The following STARD8 variants were observed in gnomAD, a reference collection of about 807,000 sequenced individuals.
STARD8 encodes stAR-related lipid transfer protein 8.
STARD8 carries 25 observed loss-of-function variants against 69.4 expected under a neutral mutation model. That is an observed-to-expected ratio of 0.36 (90% CI 0.26 to 0.50). The LOEUF (loss-of-function observed/expected upper bound fraction) is 0.50. Ranked by LOEUF, STARD8 falls within the 20% of genes least tolerant of loss-of-function variation. The probability of loss-of-function intolerance (pLI) is 0.96; values close to 1 mark genes in which losing one functional copy is unlikely to be tolerated. For missense variants in STARD8, 921 were observed against 932.5 expected, an observed-to-expected ratio of 0.99 and a Z score of 0.16; for synonymous variants, 389 against 374.6, an observed-to-expected ratio of 1.04 and a Z score of -0.45.
At position 68,724,400 on chromosome X, in the gene STARD8, C is replaced by G. The variant is rs750824185; in HGVS notation, c.3290C>G (p.Ala1097Gly). 9 of 1,203,499 alleles carry G rather than the reference C, an allele frequency of 7.5e-6. No individual in the cohort carries two copies. The highest frequency in any genetic ancestry group is 1.7e-5 in the African/African-American group (1 of 57,666). ...IRDSFPTLQA[A>G]GPETKL The stretch of plus-strand genomic sequence containing the variant: ...GACTCCTTCCCCACCCTGCAGGCAG[C>G]GGGCCCTGAGACAAAGCTGTGAGCC... The change falls in exon 15 of 15, where the codon GCG (alanine) becomes GGG (glycine). Residue 1097 changes from alanine (A) to glycine (G), a missense_variant. Ala to Gly is a moderately conservative substitution (Grantham distance 60). Coordinates refer to ENST00000374599, the MANE Select transcript of STARD8 (RefSeq NM_001142503.3).
intron 2 of STARD8, 84 bp downstream of exon 2, chrX:68,665,616 C>T (rs2079678712): frequency 1.9e-6 from 2 of 1,036,854 alleles, no homozygotes; most frequent in Admixed American, 2.5e-5. Context: ...CGATCAGGTC[C>T]CTGGGCAGCA....
chrX:68,653,010 AC>A (rs1569350946), intron 1 of STARD8, among the ~76,000 whole-genome samples: 2 of 9,290 alleles, frequency 2.2e-4, no homozygotes, highest in Non-Finnish European at 2.1e-4. Flanking sequence ...CACACACACC[AC>A]CACACACACA....
At chrX:68,713,475 C>T (rs975246726) in intron 3 of STARD8, among the ~76,000 whole-genome samples, 8 of 111,925 alleles carry the variant, frequency 7.1e-5, no homozygotes, top group Non-Finnish European at 1.1e-4. Context: ...ACCTCCACCT[C>T]GCCTGGTCAA....
At chrX:68,667,242 C>G (rs1161608280) in intron 2 of STARD8, among the ~76,000 whole-genome samples, 1 of 112,144 alleles carries the variant, frequency 8.9e-6, no homozygotes, top group African/African-American at 3.2e-5. Context: ...GAAATGGTAG[C>G]AGCAAGGCAC....
Position 68,724,525 on chromosome X carries a change from C to G in STARD8, c.*103C>G, listed in dbSNP as rs2080183163. The G allele has an allele frequency of 1.5e-6, 1 of 663,685 alleles. No homozygotes were observed. The highest frequency in any genetic ancestry group is 2.3e-6 in the Non-Finnish European group (1 of 435,298). The allele number at this position is 663,685 out of a possible 1,213,427, so 54.7% of individuals were successfully genotyped here. On this transcript the variant is annotated 3_prime_UTR_variant, in exon 15 of 15. Coordinates refer to ENST00000374599, the MANE Select transcript of STARD8 (RefSeq NM_001142503.3). ...GCCCCCTGGGTGCCGCTGTCAGGAGCAGAGCCAGGCCCAGGTGGCTCCAGC... is the reference window on the plus strand; with the variant it reads ...GCCCCCTGGGTGCCGCTGTCAGGAGGAGAGCCAGGCCCAGGTGGCTCCAGC...
At chrX:68,649,004 C>G (rs770548298) in intron 1 of STARD8, among the ~76,000 whole-genome samples, 74 of 112,309 alleles carry the variant, frequency 6.6e-4, no homozygotes, top group Non-Finnish European at 1.2e-3. Context: ...GAGCTGGGAT[C>G]TGAGCTCCTA....
At chrX:68,671,846 C>T (rs1307233782) in intron 2 of STARD8, among the ~76,000 whole-genome samples, 2 of 111,883 alleles carry the variant, frequency 1.8e-5, no homozygotes, top group Admixed American at 9.4e-5. Flanking sequence ...CCCTAGTGTC[C>T]CCTAGTGTCT....
intron 2 of STARD8, among the ~76,000 whole-genome samples, chrX:68,676,983 CAA>C (rs370318009): frequency 1.1e-5 from 1 of 94,379 alleles, no homozygotes; most frequent in Non-Finnish European, 2.1e-5. Flanking sequence ...CCGCCCCTAC[CAA>C]AAAAAAAAAA....
intron 1 of STARD8, among the ~76,000 whole-genome samples, chrX:68,658,826 T>TTGC (rs1055022167): frequency 8.9e-6 from 1 of 112,592 alleles, no homozygotes; most frequent in Non-Finnish European, 1.9e-5. Flanking sequence ...CCTTGAGCTG[T>TTGC]TGCTGCTGCT....
chrX:68,693,822 T>C (rs1267771145), intron 2 of STARD8: 1 of 754,851 alleles, frequency 1.3e-6, no homozygotes, highest in East Asian at 1.5e-4. Flanking sequence ...GGACGCGGCC[T>C]CCAGGTAGGA....
chrX:68,708,124 A>C (rs925753759), intron 2 of STARD8, among the ~76,000 whole-genome samples: 2 of 112,401 alleles, frequency 1.8e-5, no homozygotes, highest in East Asian at 5.6e-4. Flanking sequence ...CAAAACCAGC[A>C]AAAGCCCGAT....
chrX:68,721,792 T>A (rs2080152064), intron 10 of STARD8, 46 bp downstream of exon 10: 2 of 1,148,444 alleles, frequency 1.7e-6, no homozygotes, highest in African/African-American at 1.8e-5. Flanking sequence ...GTCCAGACAA[T>A]TTGGGCCCCA....
intron 2 of STARD8, among the ~76,000 whole-genome samples, chrX:68,698,092 ACAT>A (rs2079936158): frequency 2.7e-5 from 3 of 112,154 alleles, no homozygotes; most frequent in Non-Finnish European, 5.6e-5. Flanking sequence ...CCCCAAGGGA[ACAT>A]TGACAAACAT....
intron 2 of STARD8, among the ~76,000 whole-genome samples, chrX:68,667,111 G>C (rs766221821): frequency 8.9e-6 from 1 of 112,148 alleles, no homozygotes; most frequent in Non-Finnish European, 1.9e-5. Flanking sequence ...AGATGGGACT[G>C]GTCTTTCTGC....
intron 2 of STARD8, among the ~76,000 whole-genome samples, chrX:68,672,511 C>A (rs1445461115): frequency 5.4e-5 from 6 of 111,989 alleles, no homozygotes; most frequent in Non-Finnish European, 1.1e-4. Context: ...GTACTCCTGA[C>A]TGACAGTGAC....
At chrX:68,693,654 G>C (rs1002097483) in intron 2 of STARD8, 22 of 753,527 alleles carry the variant, frequency 2.9e-5, no homozygotes, top group Non-Finnish European at 3.1e-5. Context: ...GAGTGGACTC[G>C]GGTTGACAAC....
chrX:68,720,981 A>G lies in STARD8; in HGVS notation c.2107A>G (p.Asn703Asp). The stretch of plus-strand genomic sequence containing the variant: ...CAGGATCCAGAACCTGCGTCAAATG[A>G]ATGAGACCTCGCCTGACAATGTCTG... The part of the protein sequence containing the change: ...KSRIQNLRQM[N>D]ETSPDNVCYE... Residue 703 changes from asparagine (N) to aspartate (D), a missense_variant, in exon 9 of 15, where the codon AAT becomes GAT. By Grantham distance (23) the Asn-to-Asp change is conservative. Transcript: ENST00000374599. 1 of 1,211,703 alleles carries G rather than the reference A, an allele frequency of 8.3e-7. No individual in the cohort carries two copies. The highest frequency in any genetic ancestry group is 1.1e-6 in the Non-Finnish European group (1 of 895,495).
chrX:68,694,905 G>C (rs1053806529), intron 2 of STARD8, among the ~76,000 whole-genome samples: 1 of 110,929 alleles, frequency 9.0e-6, no homozygotes, highest in Non-Finnish European at 1.9e-5. Flanking sequence ...CAGAGGTTGG[G>C]GGCCTCAGAG....
intron 1 of STARD8, among the ~76,000 whole-genome samples, chrX:68,661,966 CTCTCTCTTTCTT>C (rs1342540277): frequency 9.2e-4 from 66 of 71,927 alleles, no homozygotes; most frequent in South Asian, 2.4e-3. Flanking sequence ...CTCTCTCTCT[CTCTCTCTTTCTT>C]TCTTTCTTTC....
Sources: allele counts gnomAD v4.1 joint callset (sites outside exome capture counted in the v4.1 genomes callset), GRCh38; gene constraint gnomAD v4.1.1; transcripts MANE v1.5; gene names NCBI Gene and HGNC (gene_info 2026-07-23, HGNC 2026-07-21).